The following PDCL variants were observed in gnomAD, a reference collection of about 807,000 sequenced individuals.
PDCL encodes phosducin like, also known as phosducin-like protein.
In PDCL, 11 loss-of-function variants were observed where a neutral mutation model predicts 26.7. The ratio of observed to expected loss-of-function variants is 0.41; its 90% CI spans 0.26 to 0.68. PDCL has a LOEUF of 0.68. Ranked by LOEUF, PDCL falls within the 30% of genes least tolerant of loss-of-function variation. PDCL has a pLI of 0.30. For missense variants in PDCL, 330 were observed against 371.6 expected, an observed-to-expected ratio of 0.89 and a Z score of 0.92; for synonymous variants, 118 against 134.9, an observed-to-expected ratio of 0.87 and a Z score of 0.87.
chr9:122,822,872 T>C, intron 3 of PDCL, 144 bp downstream of exon 3: 1 of 712,178 alleles, frequency 1.4e-6, no homozygotes, highest in East Asian at 2.5e-5. Flanking sequence ...CTGGGTGGGT[T>C]TGAGTTTTGA....
chr9:122,823,134 T>C lies in PDCL; in HGVS notation c.236A>G (p.Glu79Gly). The change falls in exon 3 of 4, where the codon GAG (glutamate) becomes GGG (glycine). Residue 79 changes from glutamate to glycine, a missense_variant. Transcript: ENST00000259467. Reference protein sequence around the residue: ...FKQLETEQREEQCREMERLIK... With the variant: ...FKQLETEQREGQCREMERLIK... ...CAGCCTTTCCATCTCCCGGCACTGC[T>C]CCTCCCTCTGCTCTGTCTCCAACTG... is the stretch of plus-strand genomic sequence containing the variant. The C allele has an allele frequency of 1.2e-6, 2 of 1,614,060 alleles. No individual in the cohort carries two copies. The highest frequency in any genetic ancestry group is 1.7e-6 in the Non-Finnish European group (2 of 1,180,008).
Position 122,821,963 on chromosome 9 carries a change from G to C in PDCL, c.354+1053C>G, listed in dbSNP as rs562626592. ...TTTATCATAACCAGCAACATTCTGA[G>C]TTCACTATTTTACTTATTGCCAATT... On this transcript the variant is annotated intron_variant, in intron 3 of 3. Transcript: ENST00000259467. 8.5e-5 allele frequency among the ~76,000 whole-genome samples: 13 copies of C among 152,068 alleles called. No individual in the cohort carries two copies. In the East Asian group the frequency reaches 2.3e-3, roughly 27 times the overall value.
rs1362024228 is a variant in PDCL, at chr9:122,820,491, C to T, written c.500G>A (p.Gly167Glu). The T allele has an allele frequency of 6.2e-7, 1 of 1,614,006 alleles. No homozygotes were observed. Among genetic ancestry groups the T allele is most frequent in the Non-Finnish European group, 8.5e-7 (1 of 1,180,042 alleles). ...ATCAATCATGTCTAAAAACCCTTCT[C>T]CACTGGAGATCTCAAAAACCTGCTT... ...QFKQVFEISS[G>E]EGFLDMIDKE... Residue 167 changes from glycine (G) to glutamate (E), a missense_variant, in exon 4 of 4, where the codon GGA becomes GAA. Coordinates refer to ENST00000259467, the MANE Select transcript of PDCL (RefSeq NM_005388.5).
intron 3 of PDCL, among the ~76,000 whole-genome samples, chr9:122,821,036 A>AC (rs1829548740): frequency 6.6e-6 from 1 of 151,978 alleles, no homozygotes; most frequent in South Asian, 2.1e-4. Flanking sequence ...AACATGTACT[A>AC]CATGCTGATA....
chr9:122,827,577 CAAA>C (rs1829644748), intron 1 of PDCL, among the ~76,000 whole-genome samples: 1 of 151,914 alleles, frequency 6.6e-6, no homozygotes, highest in Non-Finnish European at 1.5e-5. Context: ...AACAAACAAA[CAAA>C]AATTAGCCAG....
intron 1 of PDCL, among the ~76,000 whole-genome samples, chr9:122,827,305 A>T (rs1357881878): frequency 1.3e-5 from 2 of 152,174 alleles, no homozygotes; most frequent in Non-Finnish European, 2.9e-5. Flanking sequence ...ACTCTCTGTC[A>T]CCAGCCTTCA....
At position 122,823,047 on chromosome 9, in the gene PDCL, T is replaced by C. The variant is rs1829573130; in HGVS notation, c.323A>G (p.Gln108Arg). The C allele has an allele frequency of 6.2e-7, 1 of 1,614,110 alleles. No homozygotes were observed. The highest frequency in any genetic ancestry group is 1.1e-5 in the South Asian group (1 of 91,086). The part of the protein sequence containing the change: ...HLDEEEEQQK[Q>R]KDLQEKISGK... ...ACTGATCTTCTCCTGGAGGTCTTTC[T>C]GTTTCTGTTGCTCCTCCTCTTCATC... The change falls in exon 3 of 4, where the codon CAG becomes CGG. Residue 108 changes from glutamine to arginine, a missense_variant. Physicochemically the swap from Gln to Arg is conservative, Grantham distance 43. Coordinates refer to ENST00000259467, the MANE Select transcript of PDCL (RefSeq NM_005388.5).
chr9:122,821,783 T>C (rs1439399376), intron 3 of PDCL, among the ~76,000 whole-genome samples: 1 of 152,030 alleles, frequency 6.6e-6, no homozygotes, highest in Non-Finnish European at 1.5e-5. Context: ...GCAGGCACAA[T>C]GCCCAAGAGA....
Position 122,820,007 on chromosome 9 carries a change from A to G in PDCL, c.*78T>C. 1 of 1,243,466 alleles carries G rather than the reference A, an allele frequency of 8.0e-7. No homozygotes were observed. Among genetic ancestry groups the G allele is most frequent in the Non-Finnish European group, 1.1e-6 (1 of 889,666 alleles). 77.0% of individuals were successfully genotyped at this position (1,243,466 alleles called of 1,614,324 possible). ...CTACAAAGAACAGCTGAAAAGCCAGAAGACAAAGGAACAAAAATAAACAAT... is the reference window on the plus strand; with the variant it reads ...CTACAAAGAACAGCTGAAAAGCCAGGAGACAAAGGAACAAAAATAAACAAT... On this transcript the variant is annotated 3_prime_UTR_variant, in exon 4 of 4. Transcript: ENST00000259467.
At position 122,819,980 on chromosome 9, in the gene PDCL, G is replaced by T; in HGVS notation, c.*105C>A. 2 of 866,636 alleles carry T rather than the reference G, an allele frequency of 2.3e-6. No homozygotes were observed. The highest frequency in any genetic ancestry group is 1.8e-6 in the Non-Finnish European group (1 of 559,172). The allele number at this position is 866,636 out of a possible 1,614,324, so 53.7% of individuals were successfully genotyped here. A position where few individuals can be genotyped will look rare whatever the true frequency, so the allele number is the denominator to read the frequency against. On this transcript the variant is annotated 3_prime_UTR_variant, in exon 4 of 4. Coordinates refer to ENST00000259467, the MANE Select transcript of PDCL (RefSeq NM_005388.5). ...TCTTTATTTTATGCATAATAAAAGG[G>T]ACTACAAAGAACAGCTGAAAAGCCA...
chr9:122,818,460 T>C lies in PDCL; in HGVS notation c.*1625A>G, dbSNP rs1266468047. The C allele has an allele frequency of 6.6e-6, 1 of 152,002 alleles. No homozygotes were observed. The highest frequency in any genetic ancestry group is 1.5e-5 in the Non-Finnish European group (1 of 68,010). 9.4% of individuals were successfully genotyped at this position (152,002 alleles called of 1,614,324 possible). ...AAATTCAGTAAGTACTCAATGTTTA[T>C]AAAAATATTGAAAAAAGACTGAAAG... is the stretch of plus-strand genomic sequence containing the variant. On this transcript the variant is annotated 3_prime_UTR_variant, in exon 4 of 4. Transcript: ENST00000259467.
Position 122,823,040 on chromosome 9 carries a change from G to C in PDCL, c.330C>G (p.Asp110Glu). 6.2e-7 allele frequency: 1 copy of C among 1,614,130 alleles called. No individual in the cohort carries two copies. Among genetic ancestry groups the C allele is most frequent in the Non-Finnish European group, 8.5e-7 (1 of 1,180,014 alleles). Residue 110 changes from aspartate to glutamate, a missense_variant, in exon 3 of 4, where the codon GAC becomes GAG. Asp to Glu is a conservative substitution (Grantham distance 45, BLOSUM62 2). Transcript: ENST00000259467. ...DEEEEQQKQK[D>E]LQEKISGKMT... ...CCTTCCCACTGATCTTCTCCTGGAG[G>C]TCTTTCTGTTTCTGTTGCTCCTCCT...
chr9:122,820,702 G>T, intron 3 of PDCL, 66 bp from the exon 4 acceptor site: 1 of 1,373,260 alleles, frequency 7.3e-7, no homozygotes, highest in South Asian at 1.4e-5. Context: ...AGTTAATATG[G>T]GCCGGGCGCG....
chr9:122,826,682 C>T lies in PDCL; in HGVS notation c.106G>A (p.Ala36Thr). The change falls in exon 2 of 4, where the codon GCC becomes ACC. Residue 36 changes from alanine (A) to threonine (T), a missense_variant. Physicochemically the swap from Ala to Thr is moderately conservative, Grantham distance 58 (BLOSUM62 0). Coordinates refer to ENST00000259467, the MANE Select transcript of PDCL (RefSeq NM_005388.5). ...GCAGGCACAGAACTGCTGGCTGGGG[C>T]ACATCTGCCTCGGTCCTTGTCCTCG... Reference protein sequence around the residue: ...DHEDKDRGRCAPASSSVPAEA... With the variant: ...DHEDKDRGRCTPASSSVPAEA... 6.2e-7 allele frequency: 1 copy of T among 1,614,202 alleles called. No individual in the cohort carries two copies. The highest frequency in any genetic ancestry group is 8.5e-7 in the Non-Finnish European group (1 of 1,180,034).
intron 2 of PDCL, among the ~76,000 whole-genome samples, chr9:122,825,837 G>A (rs1006617807): frequency 2.0e-5 from 3 of 152,150 alleles, no homozygotes; most frequent in Non-Finnish European, 4.4e-5. Context: ...GCAGATGATC[G>A]CTTGAGGCCA....
chr9:122,821,021 C>G (rs1336411429), intron 3 of PDCL, among the ~76,000 whole-genome samples: 1 of 151,674 alleles, frequency 6.6e-6, no homozygotes, highest in African/African-American at 2.4e-5. Context: ...AGAAATAAAA[C>G]AGTTAACATG....
chr9:122,826,901 A>G lies in PDCL; in HGVS notation c.-5-109T>C, dbSNP rs764085321. ...GAGATCCTACAATTTCCAGGACACT[A>G]AAGTGATTATTTTCATAACCAAAAT... On this transcript the variant is annotated intron_variant, in intron 1 of 3. Transcript: ENST00000259467. The G allele has an allele frequency of 4.4e-4, 427 of 981,416 alleles. 1 individual carries two copies. Among genetic ancestry groups the G allele is most frequent in the Non-Finnish European group, 6.1e-4 (395 of 647,110 alleles). The allele number at this position is 981,416 out of a possible 1,614,324, so 60.8% of individuals were successfully genotyped here.
Position 122,826,724 on chromosome 9 carries a change from C to T in PDCL, c.64G>A (p.Asp22Asn). ...TTGTCCTCGTGGTCACTGTCCTCAT[C>T]CTCACTGCTGCTATAGTAGTACTGC... ...KLQYYYSSSEDEDSDHEDKDR... is the reference protein window; with the variant it reads ...KLQYYYSSSENEDSDHEDKDR... Residue 22 changes from aspartate (D) to asparagine (N), a missense_variant, in exon 2 of 4, where the codon GAT (aspartate) becomes AAT (asparagine). By Grantham distance (23) the Asp-to-Asn change is conservative (BLOSUM62 1). Coordinates refer to ENST00000259467, the MANE Select transcript of PDCL (RefSeq NM_005388.5). 1.9e-6 allele frequency: 3 copies of T among 1,614,166 alleles called. No homozygotes were observed. The Admixed American group carries it at 5.0e-5, about 27-fold the overall frequency.
In PDCL at chr9:122,820,372, C is replaced by A; in HGVS notation, c.619G>T (p.Ala207Ser). 1 of 1,614,162 alleles carries A rather than the reference C, an allele frequency of 6.2e-7. No individual in the cohort carries two copies. Among genetic ancestry groups the A allele is most frequent in the Non-Finnish European group, 8.5e-7 (1 of 1,180,028 alleles). Residue 207 changes from alanine to serine, a missense_variant, in exon 4 of 4, where the codon GCA (alanine) becomes TCA (serine). Physicochemically the swap from Ala to Ser is moderately conservative, Grantham distance 99 (BLOSUM62 1). Transcript: ENST00000259467. ...CAGAACTTGACAGCTGGGTACTCTG[C>A]GGCAAGGCAGATCATGCAACCATTC... ...AMNGCMICLAAEYPAVKFCKV... is the reference protein window; with the variant it reads ...AMNGCMICLASEYPAVKFCKV...
Sources: allele counts gnomAD v4.1 joint callset (sites outside exome capture counted in the v4.1 genomes callset), GRCh38; gene constraint gnomAD v4.1.1; transcripts MANE v1.5; gene names NCBI Gene and HGNC (gene_info 2026-07-23, HGNC 2026-07-21).